Variants in MKX observed in about 807,000 individuals in gnomAD.
The protein encoded by MKX is mohawk homeobox.
Under a neutral mutation model 36.0 loss-of-function variants are expected in MKX, and 13 were observed. The ratio of observed to expected loss-of-function variants is 0.36; its 90% CI spans 0.24 to 0.57. The LOEUF (loss-of-function observed/expected upper bound fraction) is 0.57. Among genes scored for constraint, MKX ranks in the 20% least tolerant of loss-of-function variants. The pLI, the probability that MKX is intolerant of heterozygous loss-of-function variation, is 0.79. For synonymous variants in MKX, 176 were observed against 178.3 expected, an observed-to-expected ratio of 0.99 and a Z score of 0.10; for missense variants, 458 against 456.4, an observed-to-expected ratio of 1.00 and a Z score of -0.03.
rs1378434373 is a variant in MKX, at chr10:27,733,815, C to T, written c.838+641G>A. On this transcript the variant is annotated intron_variant, in intron 5 of 6. Transcript: ENST00000419761. The stretch of plus-strand genomic sequence containing the variant: ...CTGAAAGTTTTGGACAGGTAGGAAT[C>T]GATCCTTTATTTCTGGAAGGAAAGT... 3.3e-5 allele frequency among the ~76,000 whole-genome samples: 5 copies of T among 152,244 alleles called. No individual in the cohort carries two copies. In the East Asian group the frequency reaches 5.8e-4, roughly 18 times the overall value.
rs1836083662 is a variant in MKX, at chr10:27,673,322, T to C, written c.*1907A>G. 6.6e-6 allele frequency: 1 copy of C among 152,552 alleles called. No homozygotes were observed. Among genetic ancestry groups the C allele is most frequent in the East Asian group, 1.9e-4 (1 of 5,202 alleles). The allele number at this position is 152,552 out of a possible 1,614,324, so 9.4% of individuals were successfully genotyped here. On this transcript the variant is annotated 3_prime_UTR_variant, in exon 7 of 7. Transcript: ENST00000419761. ...AAACATGAATCATGACTCATTCAAA[T>C]AAAATACAACCAGCATTCATTCATT...
At chr10:27,677,483 T>C (rs1017839145) in intron 5 of MKX, among the ~76,000 whole-genome samples, 1 of 152,106 alleles carries the variant, frequency 6.6e-6, no homozygotes, top group Non-Finnish European at 1.5e-5. Context: ...GGGCAAAATT[T>C]CCCAGGAAGA....
intron 5 of MKX, among the ~76,000 whole-genome samples, chr10:27,732,689 A>G (rs1834658531): frequency 6.6e-6 from 1 of 152,164 alleles, no homozygotes; most frequent in Non-Finnish European, 1.5e-5. Context: ...AAACATTCAT[A>G]AAACTCTGAA....
At chr10:27,675,608 A>T (rs981999002) in intron 5 of MKX, 54 bp from the exon 6 acceptor site, 3 of 1,540,794 alleles carry the variant, frequency 1.9e-6, no homozygotes, top group Non-Finnish European at 2.7e-6. Context: ...TTCTTTTCTC[A>T]TCTCAGGAGT....
rs1302365951 is a variant in MKX at position 27,743,301 on chromosome 10, C to G, written c.115G>C (p.Ala39Pro). Residue 39 changes from alanine to proline, a missense_variant, in exon 2 of 7, where the codon GCC (alanine) becomes CCC (proline). Around this residue, in one of 3 missense-constraint regions of MKX, gnomAD observed 149 missense variants for 114.3 expected, o/e 1.30. Coordinates refer to ENST00000419761, the MANE Select transcript of MKX (RefSeq NM_173576.3). ...TCGGGAATGCCCACCTCGGGGCGGG[C>G]GTGAGGACTGTCCAGGACACCGCTG... Reference protein sequence around the residue: ...PYSGVLDSPHARPEVGIPDGP... With the variant: ...PYSGVLDSPHPRPEVGIPDGP... The G allele has an allele frequency of 1.3e-6, 2 of 1,560,576 alleles. No individual in the cohort carries two copies. Among genetic ancestry groups the G allele is most frequent in the Non-Finnish European group, 8.6e-7 (1 of 1,159,308 alleles).
At chr10:27,721,959 A>G (rs773022523) in intron 5 of MKX, among the ~76,000 whole-genome samples, 1 of 152,150 alleles carries the variant, frequency 6.6e-6, no homozygotes, top group Admixed American at 6.5e-5. Flanking sequence ...TTGGCTGTTC[A>G]TTTGGTGGAG....
At chr10:27,682,759 T>C (rs1461283441) in intron 5 of MKX, among the ~76,000 whole-genome samples, 1 of 151,506 alleles carries the variant, frequency 6.6e-6, no homozygotes, top group Admixed American at 6.6e-5. Flanking sequence ...GGCGGGTGGA[T>C]CACAAGGTCA....
intron 3 of MKX, among the ~76,000 whole-genome samples, chr10:27,738,629 T>C (rs1834828740): frequency 1.3e-5 from 2 of 152,092 alleles, no homozygotes; most frequent in African/African-American, 4.8e-5. Context: ...AGTATCTATC[T>C]ATCTATCTCC....
At chr10:27,687,816 G>A (rs745438098) in intron 5 of MKX, among the ~76,000 whole-genome samples, 5 of 152,184 alleles carry the variant, frequency 3.3e-5, no homozygotes, top group Non-Finnish European at 7.3e-5. Context: ...GCAGTCTATG[G>A]GGAGGCCAGT....
At position 27,745,694 on chromosome 10, in the gene MKX, G is replaced by C. The variant is rs1357968828; in HGVS notation, c.-83+13C>G. 6.6e-6 allele frequency: 1 copy of C among 152,526 alleles called. No individual in the cohort carries two copies. Among genetic ancestry groups the C allele is most frequent in the Non-Finnish European group, 1.5e-5 (1 of 68,116 alleles). The allele number at this position is 152,526 out of a possible 1,614,324, so 9.4% of individuals were successfully genotyped here. A position where few individuals can be genotyped will look rare whatever the true frequency, so the allele number is the denominator to read the frequency against. On this transcript the variant is annotated intron_variant, in intron 1 of 6. Transcript: ENST00000419761. ...CCGCAGCCGGCTGAGACTCGGCGAC[G>C]CGGGGGCTGTACCTGTGGCTGCGGG...
intron 5 of MKX, among the ~76,000 whole-genome samples, chr10:27,701,705 AT>A (rs1173856385): frequency 6.9e-6 from 1 of 144,938 alleles, no homozygotes; most frequent in African/African-American, 2.5e-5. Context: ...TTATATTTAT[AT>A]TGTATATGAC....
At chr10:27,683,907 C>T (rs956881914) in intron 5 of MKX, among the ~76,000 whole-genome samples, 1 of 152,230 alleles carries the variant, frequency 6.6e-6, no homozygotes, top group African/African-American at 2.4e-5. Flanking sequence ...GCTCCCTGCT[C>T]ACATTGCTGC....
At chr10:27,680,370 A>AG (rs1836233764) in intron 5 of MKX, among the ~76,000 whole-genome samples, 1 of 14,028 alleles carries the variant, frequency 7.1e-5, no homozygotes, top group Non-Finnish European at 2.0e-4. Flanking sequence ...AAAGAAAAGA[A>AG]AAAAAAAAAA....
At chr10:27,698,773 A>G (rs1295243591) in intron 5 of MKX, among the ~76,000 whole-genome samples, 1 of 152,194 alleles carries the variant, frequency 6.6e-6, no homozygotes, top group African/African-American at 2.4e-5. Context: ...ACTTAGCAAC[A>G]TATTTGGAAA....
At chr10:27,737,272 T>A (rs1403348856) in intron 3 of MKX, among the ~76,000 whole-genome samples, 2 of 152,170 alleles carry the variant, frequency 1.3e-5, no homozygotes, top group Non-Finnish European at 2.9e-5. Flanking sequence ...AACATTTCTC[T>A]TTCTAACTTC....
At chr10:27,699,070 C>T (rs1836607001) in intron 5 of MKX, among the ~76,000 whole-genome samples, 1 of 152,154 alleles carries the variant, frequency 6.6e-6, no homozygotes, top group Non-Finnish European at 1.5e-5. Context: ...TATTTACTCT[C>T]AGAAAGAAAT....
At position 27,741,570 on chromosome 10, in the gene MKX, C is replaced by G. The variant is rs1834898013; in HGVS notation, c.189-66G>C. ...GTTTGCCCGCCCGGACGCTCCACGCCCCGGCCAAGCCCGGGCCCCGCATCC... is the reference window on the plus strand; with the variant it reads ...GTTTGCCCGCCCGGACGCTCCACGCGCCGGCCAAGCCCGGGCCCCGCATCC... On this transcript the variant is annotated intron_variant, in intron 2 of 6. Transcript: ENST00000419761. The surrounding 1 kb of genome is among the most constrained non-coding windows in gnomAD (Gnocchi z 5.1). 4 of 1,480,896 alleles carry G rather than the reference C, an allele frequency of 2.7e-6. No homozygotes were observed. The highest frequency in any genetic ancestry group is 2.7e-6 in the Non-Finnish European group (3 of 1,121,166). 91.7% of individuals were successfully genotyped at this position (1,480,896 alleles called of 1,614,324 possible).
At chr10:27,730,762 T>C (rs551544258) in intron 5 of MKX, among the ~76,000 whole-genome samples, 57 of 151,448 alleles carry the variant, frequency 3.8e-4, no homozygotes, top group Non-Finnish European at 6.0e-4. Context: ...CCGGCCTCAA[T>C]TGGCTATTTG....
chr10:27,697,376 A>G (rs1313632357), intron 5 of MKX, among the ~76,000 whole-genome samples: 2 of 152,208 alleles, frequency 1.3e-5, no homozygotes, highest in African/African-American at 4.8e-5. Flanking sequence ...ATAAAGGGCC[A>G]GGACACCTTA....
Sources: gnomAD v4.1 joint callset for allele counts (sites outside exome capture counted in the v4.1 genomes callset) on GRCh38, gnomAD v4.1.1 for gene constraint, gnomAD v4.1.1 regional missense constraint, Gnocchi (gnomAD v3.1) non-coding constraint, MANE v1.5 for transcripts, NCBI Gene and HGNC (gene_info 2026-07-23, HGNC 2026-07-21) for gene names.